AGO3: variants seen among roughly 807,000 people sequenced by gnomAD.
AGO3 encodes argonaute RISC catalytic component 3.
In AGO3, 16 loss-of-function variants were observed where a neutral mutation model predicts 105.5. The ratio of observed to expected loss-of-function variants is 0.15; its 90% CI spans 0.10 to 0.23. The LOEUF is 0.23. Among genes scored for constraint, AGO3 ranks in the 10% least tolerant of loss-of-function variants. The probability of loss-of-function intolerance (pLI) is 1.00; values close to 1 mark genes in which losing one functional copy is unlikely to be tolerated. For missense variants in AGO3, 534 were observed against 1,088.0 expected (o/e 0.49, Z 7.16); for synonymous variants, 340 against 367.3 (o/e 0.93, Z 0.85).
chr1:35,982,116 G>A (rs914943687), intron 5 of AGO3, among the ~76,000 whole-genome samples: 1 of 152,158 alleles, frequency 6.6e-6, no homozygotes. Context: ...TTGAAGTCCA[G>A]CTTTGAAAAT....
intron 2 of AGO3, among the ~76,000 whole-genome samples, chr1:35,962,263 G>C (rs1486616068): frequency 2.0e-5 from 3 of 152,102 alleles, no homozygotes; most frequent in Non-Finnish European, 4.4e-5. Context: ...TACGTTACTG[G>C]CCAGGCGCCG....
At chr1:36,006,041 G>A (rs1640318118) in intron 6 of AGO3, among the ~76,000 whole-genome samples, 1 of 151,314 alleles carries the variant, frequency 6.6e-6, no homozygotes. Context: ...GTTTGGGGGT[G>A]GAAAAATCTG....
At chr1:36,037,644 T>C (rs1642070234) in intron 14 of AGO3, among the ~76,000 whole-genome samples, 1 of 152,260 alleles carries the variant, frequency 6.6e-6, no homozygotes, top group South Asian at 2.1e-4. Context: ...AAATTTCCAC[T>C]TCATGATTTC....
chr1:36,055,934 T>C lies in AGO3; in HGVS notation c.*189T>C. ...TACTTCATCAAGGAACACAGCATCA[T>C]TATGCAATATGAAACCAGCCAACTG... is the stretch of plus-strand genomic sequence containing the variant. On this transcript the variant is annotated 3_prime_UTR_variant, in exon 19 of 19. Coordinates refer to ENST00000373191, the MANE Select transcript of AGO3 (RefSeq NM_024852.4). The surrounding 1 kb of genome is among the most constrained non-coding windows in gnomAD (Gnocchi z 4.4). 1.9e-6 allele frequency: 1 copy of C among 536,172 alleles called. No homozygotes were observed. Among genetic ancestry groups the C allele is most frequent in the Non-Finnish European group, 3.3e-6 (1 of 304,964 alleles). The allele number at this position is 536,172 out of a possible 1,614,324, so 33.2% of individuals were successfully genotyped here. A position where few individuals can be genotyped will look rare whatever the true frequency, so the allele number is the denominator to read the frequency against.
rs1415076667 is a variant in AGO3 at position 36,060,528 on chromosome 1, A to G, written c.*4783A>G. On this transcript the variant is annotated 3_prime_UTR_variant, in exon 19 of 19. Coordinates refer to ENST00000373191, the MANE Select transcript of AGO3 (RefSeq NM_024852.4). Reference sequence around the variant, plus strand: ...GGCAGTGATTTTTATGAAATTCAAGAAGCAAACGACTTCGATACAGCTAGA... The same window carrying G: ...GGCAGTGATTTTTATGAAATTCAAGGAGCAAACGACTTCGATACAGCTAGA... The G allele has an allele frequency of 6.6e-6, 1 of 152,236 alleles. No homozygotes were observed. Among genetic ancestry groups the G allele is most frequent in the Non-Finnish European group, 1.5e-5 (1 of 68,042 alleles). 9.4% of individuals were successfully genotyped at this position (152,236 alleles called of 1,614,324 possible). A position where few individuals can be genotyped will look rare whatever the true frequency, so the allele number is the denominator to read the frequency against.
At chr1:35,931,595 C>G (rs1646049908) in intron 1 of AGO3, 150 bp downstream of exon 1, 2 of 897,544 alleles carry the variant, frequency 2.2e-6, no homozygotes, top group Non-Finnish European at 3.0e-6. Context: ...CCTCCGCGAC[C>G]TCCCCGCAGC....
chr1:35,982,617 C>A (rs1647073964), intron 5 of AGO3: 1 of 717,322 alleles, frequency 1.4e-6, no homozygotes, highest in Non-Finnish European at 2.6e-6. Flanking sequence ...TATTTGTTTT[C>A]CAGAAAGAGA....
At chr1:35,961,579 C>G (rs1646677656) in intron 2 of AGO3, among the ~76,000 whole-genome samples, 1 of 152,164 alleles carries the variant, frequency 6.6e-6, no homozygotes, top group Non-Finnish European at 1.5e-5. Context: ...CTATTCCAGA[C>G]TAAGACTTTC....
In AGO3 at chr1:36,054,955, C is replaced by T; in HGVS notation, c.2284C>T (p.Arg762Cys). ...CSHAGIQGTSRPSHYHVLWDD... is the reference protein window; with the variant it reads ...CSHAGIQGTSCPSHYHVLWDD... ...ATTGCCTTCTCTATAGGGTACCAGT[C>T]GTCCTTCACACTATCATGTTTTATG... The change falls in exon 18 of 19, where the codon CGT becomes TGT. Residue 762 changes from arginine to cysteine, a missense_variant. Around this residue, in one of 2 missense-constraint regions of AGO3, gnomAD observed 373 missense variants for 854.0 expected, o/e 0.44. Transcript: ENST00000373191. The T allele has an allele frequency of 1.2e-6, 2 of 1,613,948 alleles. No homozygotes were observed. The highest frequency in any genetic ancestry group is 2.2e-5 in the East Asian group (1 of 44,878).
intron 5 of AGO3, among the ~76,000 whole-genome samples, chr1:35,995,839 G>A (rs1639770805): frequency 6.6e-6 from 1 of 152,010 alleles, no homozygotes; most frequent in African/African-American, 2.4e-5. Flanking sequence ...CACCACGCCT[G>A]GGTAATTTTT....
At chr1:35,985,841 C>T (rs1647162581) in intron 5 of AGO3, among the ~76,000 whole-genome samples, 1 of 152,084 alleles carries the variant, frequency 6.6e-6, no homozygotes. Context: ...AAATTTGTAA[C>T]TCATATAACT....
chr1:36,026,180 C>T (rs537906249), intron 11 of AGO3, among the ~76,000 whole-genome samples: 1 of 152,236 alleles, frequency 6.6e-6, no homozygotes, highest in East Asian at 1.9e-4. Flanking sequence ...ATAATCTTAG[C>T]TCACTGCAAC....
Position 36,055,110 on chromosome 1 carries a change from A to G in AGO3, c.2439A>G (p.Arg813=). 3.7e-6 allele frequency: 6 copies of G among 1,612,116 alleles called. No homozygotes were observed. Among genetic ancestry groups the G allele is most frequent in the Non-Finnish European group, 5.1e-6 (6 of 1,178,972 alleles). ...PAYYAHLVAF[R]ARYHLVDKEH... ...ATTATGCTCACCTGGTAGCATTTAG[A>G]GCCAGATATCATCTTGTGGACAAAG... Residue 813 remains arginine (R), a synonymous_variant, in exon 18 of 19, where the codon AGA becomes AGG. Transcript: ENST00000373191. The surrounding 1 kb of genome is among the most constrained non-coding windows in gnomAD (Gnocchi z 4.4).
At chr1:35,943,337 A>C (rs966057745) in intron 1 of AGO3, among the ~76,000 whole-genome samples, 2 of 123,738 alleles carry the variant, frequency 1.6e-5, no homozygotes, top group African/African-American at 6.3e-5. Flanking sequence ...AATCTCACTT[A>C]GCTGCCCAGG....
chr1:36,048,266 GGAGT>G (rs1218789019), intron 17 of AGO3, among the ~76,000 whole-genome samples: 1 of 151,712 alleles, frequency 6.6e-6, no homozygotes, highest in Non-Finnish European at 1.5e-5. Context: ...CCTGGGCAAC[GGAGT>G]GAGACCCTGT....
chr1:35,953,878 G>A (rs1055085393), intron 2 of AGO3, among the ~76,000 whole-genome samples: 5 of 152,080 alleles, frequency 3.3e-5, no homozygotes, highest in African/African-American at 1.2e-4. Flanking sequence ...ATATGTTCTA[G>A]ATAAAAGTCC....
chr1:35,945,697 G>A lies in AGO3; in HGVS notation c.25G>A (p.Ala9Thr), dbSNP rs768553614. MEIGSAGP[A>T]GAQPLLMVPR... ...TTTTCCCTTTCCCCTGGCAGGACCCGCTGGGGCCCAGCCCCTACTCATGGT... is the reference window on the plus strand; with the variant it reads ...TTTTCCCTTTCCCCTGGCAGGACCCACTGGGGCCCAGCCCCTACTCATGGT... Residue 9 changes from alanine (A) to threonine (T), a missense_variant, in exon 2 of 19, where the codon GCT (alanine) becomes ACT (threonine). Ala to Thr is a moderately conservative substitution (Grantham distance 58). This residue lies in a region of AGO3 where 161 missense variants were observed against 234.0 expected (regional missense o/e 0.69). Coordinates refer to ENST00000373191, the MANE Select transcript of AGO3 (RefSeq NM_024852.4). 2.0e-5 allele frequency: 33 copies of A among 1,609,876 alleles called. 1 individual carries two copies. Among genetic ancestry groups the A allele is most frequent in the Middle Eastern group, 2.1e-4 (1 of 4,784 alleles).
At position 36,009,552 on chromosome 1, in the gene AGO3, A is replaced by T; in HGVS notation, c.1107A>T (p.Thr369=). The T allele has an allele frequency of 7.4e-6, 12 of 1,613,920 alleles. No individual in the cohort carries two copies. The highest frequency in any genetic ancestry group is 9.3e-6 in the Non-Finnish European group (11 of 1,179,928). ...AGACTTCCACTATGATCAAGGCAACAGCAAGATCTGCACCAGATAGACAAG... is the reference window on the plus strand; with the variant it reads ...AGACTTCCACTATGATCAAGGCAACTGCAAGATCTGCACCAGATAGACAAG... ...DNQTSTMIKA[T]ARSAPDRQEE... is the part of the protein sequence containing the mutation. Residue 369 remains threonine (T), a synonymous_variant, in exon 9 of 19, where the codon ACA becomes ACT. Coordinates refer to ENST00000373191, the MANE Select transcript of AGO3 (RefSeq NM_024852.4).
At position 36,009,570 on chromosome 1, in the gene AGO3, T is replaced by C. The variant is rs757952314; in HGVS notation, c.1125T>C (p.Asp375=). 23 of 1,612,474 alleles carry C rather than the reference T, an allele frequency of 1.4e-5. No individual in the cohort carries two copies. The East Asian group carries it at 2.0e-4, about 14-fold the overall frequency. ...MIKATARSAP[D]RQEEISRLVR... is the part of the protein sequence containing the mutation. Reference sequence around the variant, plus strand: ...AGGCAACAGCAAGATCTGCACCAGATAGACAAGAGGAAATTAGCAGATTGG... The same window carrying C: ...AGGCAACAGCAAGATCTGCACCAGACAGACAAGAGGAAATTAGCAGATTGG... The change falls in exon 9 of 19, where the codon GAT becomes GAC. Residue 375 remains aspartate (D), a synonymous_variant. Transcript: ENST00000373191.
Sources: allele counts gnomAD v4.1 joint callset (sites outside exome capture counted in the v4.1 genomes callset), GRCh38; gene constraint gnomAD v4.1.1; regional missense constraint gnomAD v4.1.1; non-coding constraint Gnocchi (gnomAD v3.1); transcripts MANE v1.5; gene names NCBI Gene and HGNC (gene_info 2026-07-23, HGNC 2026-07-21).